Variants in SCN2A observed in about 807,000 individuals in gnomAD.
The protein encoded by SCN2A is sodium voltage-gated channel alpha subunit 2, also known as sodium channel protein type 2 subunit alpha.
SCN2A carries 20 observed loss-of-function variants against 188.7 expected under a neutral mutation model. The ratio of observed to expected loss-of-function variants is 0.11; its 90% CI spans 0.07 to 0.15. The LOEUF (loss-of-function observed/expected upper bound fraction) is 0.15, where lower values mean the gene tolerates loss of function less well. Ranked by LOEUF, SCN2A falls within the 10% of genes least tolerant of loss-of-function variation. The probability of loss-of-function intolerance (pLI) is 1.00; values close to 1 mark genes in which losing one functional copy is unlikely to be tolerated. For synonymous variants in SCN2A, 804 were observed against 833.1 expected, an observed-to-expected ratio of 0.97 and a Z score of 0.60; for missense variants, 1,278 against 2,445.0, an observed-to-expected ratio of 0.52 and a Z score of 10.07.
chr2:165,351,386 ATTGAG>A (rs527888856), intron 16 of SCN2A, among the ~76,000 whole-genome samples: 38 of 152,326 alleles, frequency 2.5e-4, no homozygotes, highest in South Asian at 8.3e-4. Context: ...ATAGCATTGA[ATTGAG>A]TTATCAATTC....
chr2:165,277,347 T>C (rs1559332141), intron 1 of SCN2A, among the ~76,000 whole-genome samples: 2 of 152,248 alleles, frequency 1.3e-5, no homozygotes, highest in East Asian at 3.8e-4. Flanking sequence ...TTAAAGAGCT[T>C]ATTTGAGCAA....
At chr2:165,345,645 G>A (rs1313484089) in intron 16 of SCN2A, among the ~76,000 whole-genome samples, 1 of 151,692 alleles carries the variant, frequency 6.6e-6, no homozygotes, top group African/African-American at 2.4e-5. Context: ...GCACACCGAT[G>A]GGTCTTGACT....
Position 165,388,605 on chromosome 2 carries a change from T to G in SCN2A, c.4823-24T>G, listed in dbSNP as rs542908287. 1.4e-4 allele frequency: 222 copies of G among 1,613,582 alleles called. 2 individuals are homozygous for G. In the South Asian group the frequency reaches 2.2e-3, roughly 16 times the overall value. Reference sequence around the variant, plus strand: ...GCTACTATTAAGTATAACAATATTTTTGTTATTTGTTGATTTTCTACAGGA... The same window carrying G: ...GCTACTATTAAGTATAACAATATTTGTGTTATTTGTTGATTTTCTACAGGA... On this transcript the variant is annotated intron_variant, in intron 26 of 26. Coordinates refer to ENST00000375437, the MANE Select transcript of SCN2A (RefSeq NM_001040142.2).
In SCN2A at chr2:165,391,907, A is replaced by G. The variant is rs557174033; in HGVS notation, c.*2083A>G. 3 of 152,694 alleles carry G rather than the reference A, an allele frequency of 2.0e-5. No homozygotes were observed. The highest frequency in any genetic ancestry group is 7.2e-5 in the African/African-American group (3 of 41,586). The allele number at this position is 152,694 out of a possible 1,614,324, so 9.5% of individuals were successfully genotyped here. A position where few individuals can be genotyped will look rare whatever the true frequency, so the allele number is the denominator to read the frequency against. ...AATACTTTGTGTTTCACAAGCAACA[A>G]TAAATGTAGATTCTTTATACTGAAG... On this transcript the variant is annotated 3_prime_UTR_variant, in exon 27 of 27. Transcript: ENST00000375437.
At chr2:165,359,837 A>T (rs375002870) in intron 17 of SCN2A, among the ~76,000 whole-genome samples, 1 of 152,038 alleles carries the variant, frequency 6.6e-6, no homozygotes, top group African/African-American at 2.4e-5. Flanking sequence ...TCTACTGAGC[A>T]GTAGGACATC....
chr2:165,325,291 G>C (rs2105281048), intron 12 of SCN2A, among the ~76,000 whole-genome samples: 1 of 152,266 alleles, frequency 6.6e-6, no homozygotes, highest in Admixed American at 6.5e-5. Flanking sequence ...GCAAAGCTTT[G>C]TGTGGTCCCT....
intron 1 of SCN2A, among the ~76,000 whole-genome samples, chr2:165,291,524 C>CA: frequency 1.5e-5 from 1 of 66,696 alleles, no homozygotes; most frequent in African/African-American, 4.8e-5. Context: ...CCTCTCCTTT[C>CA]TTTCCTTCCT....
chr2:165,371,177 C>G (rs1701006776), intron 20 of SCN2A: 1 of 152,102 alleles, frequency 6.6e-6, no homozygotes, highest in African/African-American at 2.4e-5. Context: ...ATAAAAGTAT[C>G]AAGTCAGCAC....
chr2:165,240,869 T>C (rs957990341), intron 1 of SCN2A, among the ~76,000 whole-genome samples: 2 of 152,170 alleles, frequency 1.3e-5, no homozygotes, highest in African/African-American at 4.8e-5. Flanking sequence ...GTGTGGAATC[T>C]ATAGAGTTTG....
intron 13 of SCN2A, among the ~76,000 whole-genome samples, chr2:165,329,854 A>C (rs910370813): frequency 6.6e-6 from 1 of 152,202 alleles, no homozygotes; most frequent in African/African-American, 2.4e-5. Context: ...TTATAAATCA[A>C]ATATTATTTA....
In SCN2A at chr2:165,389,847, T is replaced by C; in HGVS notation, c.*23T>C. ...TAAAAAGAAACCAAGAATTTTCCAT[T>C]TTGTGATCAATTGTTTACAGCCCGT... is the stretch of plus-strand genomic sequence containing the variant. On this transcript the variant is annotated 3_prime_UTR_variant, in exon 27 of 27. Coordinates refer to ENST00000375437, the MANE Select transcript of SCN2A (RefSeq NM_001040142.2). The surrounding 1 kb of genome is among the most constrained non-coding windows in gnomAD (Gnocchi z 4.2). The C allele has an allele frequency of 1.3e-6, 2 of 1,575,532 alleles. No homozygotes were observed. Among genetic ancestry groups the C allele is most frequent in the Non-Finnish European group, 1.7e-6 (2 of 1,160,852 alleles).
chr2:165,262,937 T>G (rs568316545), intron 1 of SCN2A, among the ~76,000 whole-genome samples: 3 of 152,138 alleles, frequency 2.0e-5, no homozygotes, highest in Admixed American at 2.0e-4. Flanking sequence ...TATCAATTGT[T>G]GCAGGAGTAA....
At position 165,267,336 on chromosome 2, in the gene SCN2A, A is replaced by C. The variant is rs1398954825; in HGVS notation, c.-52+27696A>C. ...AACAGAACCAAAAGCCCAGAAATAA[A>C]TCCATGCACTTATGGTCAATAAATC... On this transcript the variant is annotated intron_variant, in intron 1 of 26. Transcript: ENST00000375437. 3 of 152,030 alleles carry C rather than the reference A, an allele frequency of 2.0e-5. No individual in the cohort carries two copies. The East Asian group carries it at 5.8e-4, about 29-fold the overall frequency. 9.4% of individuals were successfully genotyped at this position (152,030 alleles called of 1,614,324 possible).
At chr2:165,334,220 C>A (rs1371331191) in intron 14 of SCN2A, among the ~76,000 whole-genome samples, 2 of 151,600 alleles carry the variant, frequency 1.3e-5, no homozygotes, top group Non-Finnish European at 3.0e-5. Context: ...CAATCCTTAA[C>A]AAACTGTTCC....
chr2:165,338,511 C>T (rs1253696843), intron 14 of SCN2A, among the ~76,000 whole-genome samples: 5 of 151,966 alleles, frequency 3.3e-5, no homozygotes, highest in Admixed American at 3.3e-4. Context: ...CCGCCCGTCT[C>T]GGCCTCCCAA....
At chr2:165,283,501 T>A (rs1327990720) in intron 1 of SCN2A, among the ~76,000 whole-genome samples, 1 of 152,226 alleles carries the variant, frequency 6.6e-6, no homozygotes, top group Non-Finnish European at 1.5e-5. Context: ...AAGAGTACAT[T>A]CATTATGGTG....
At chr2:165,302,630 A>G (rs1696881469) in intron 3 of SCN2A, among the ~76,000 whole-genome samples, 1 of 152,216 alleles carries the variant, frequency 6.6e-6, no homozygotes, top group African/African-American at 2.4e-5. Flanking sequence ...TACTGTAAGA[A>G]AAGTATTATC....
intron 11 of SCN2A, chr2:165,320,245 G>A (rs1012813055): frequency 3.3e-5 from 5 of 152,246 alleles, no homozygotes; most frequent in South Asian, 2.1e-4. Flanking sequence ...TCCAGGTTAC[G>A]CTGATGCAAG....
chr2:165,352,470 G>A (rs1699974096), intron 16 of SCN2A, among the ~76,000 whole-genome samples: 1 of 152,114 alleles, frequency 6.6e-6, no homozygotes, highest in Non-Finnish European at 1.5e-5. Flanking sequence ...TGAGAATATA[G>A]CAAGAATGTA....
Sources: allele counts gnomAD v4.1 joint callset (sites outside exome capture counted in the v4.1 genomes callset), GRCh38; gene constraint gnomAD v4.1.1; non-coding constraint Gnocchi (gnomAD v3.1); transcripts MANE v1.5; gene names NCBI Gene and HGNC (gene_info 2026-07-23, HGNC 2026-07-21).